Variants in NCKAP5 observed in about 807,000 individuals in gnomAD.
The protein encoded by NCKAP5 is NCK associated protein 5, also known as nck-associated protein 5.
NCKAP5 carries 92 observed loss-of-function variants against 167.0 expected under a neutral mutation model. That is an observed-to-expected ratio of 0.55 (90% CI 0.47 to 0.66). NCKAP5 has a LOEUF of 0.66. Among genes scored for constraint, NCKAP5 ranks in the 30% least tolerant of loss-of-function variants. The probability of loss-of-function intolerance (pLI) is 0.00; values close to 1 mark genes in which losing one functional copy is unlikely to be tolerated. For synonymous variants in NCKAP5, 891 were observed against 877.4 expected, an observed-to-expected ratio of 1.02 and a Z score of -0.27; for missense variants, 2,378 against 2,315.0, an observed-to-expected ratio of 1.03 and a Z score of -0.56.
At chr2:133,322,635 T>C (rs1682140210) in intron 3 of NCKAP5, among the ~76,000 whole-genome samples, 1 of 152,172 alleles carries the variant, frequency 6.6e-6, no homozygotes. Context: ...TTTCTAGTAA[T>C]TTTCACCACC....
Position 132,789,214 on chromosome 2 carries a change from G to A in NCKAP5, c.1092+809C>T, listed in dbSNP as rs142394260. 3.3e-5 allele frequency among the ~76,000 whole-genome samples: 5 copies of A among 152,328 alleles called. No homozygotes were observed. In the East Asian group the frequency reaches 9.6e-4, roughly 29 times the overall value. ...TGAAAAGAGCAGAGCGAGGGGCTCT[G>A]GGAGCCAGGGATATTCACAAAGCGA... On this transcript the variant is annotated intron_variant, in intron 13 of 19. Transcript: ENST00000409261.
intron 2 of NCKAP5, among the ~76,000 whole-genome samples, chr2:133,545,131 A>G (rs897923653): frequency 1.1e-4 from 17 of 152,254 alleles, no homozygotes; most frequent in Admixed American, 6.5e-5. Flanking sequence ...AAAGAGATGT[A>G]GAACCAAATA....
chr2:133,660,401 T>C, the NCKAP5 span, among the ~76,000 whole-genome samples: 3 of 152,214 alleles, frequency 2.0e-5, no homozygotes, highest in African/African-American at 7.2e-5. Context: ...TGTGTGTGCA[T>C]TTGCTTATCT....
the NCKAP5 span, among the ~76,000 whole-genome samples, chr2:133,644,849 G>A: frequency 6.6e-6 from 1 of 152,002 alleles, no homozygotes; most frequent in Non-Finnish European, 1.5e-5. Context: ...ATATGACTAG[G>A]ACAAGACTAA....
chr2:133,111,620 C>T (rs577497634), intron 6 of NCKAP5, among the ~76,000 whole-genome samples: 1 of 152,338 alleles, frequency 6.6e-6, no homozygotes, highest in East Asian at 1.9e-4. Context: ...TCATAGCCCT[C>T]TGCCATGATT....
chr2:132,733,477 G>A (rs182954456), intron 16 of NCKAP5, among the ~76,000 whole-genome samples: 13 of 152,280 alleles, frequency 8.5e-5, no homozygotes, highest in Non-Finnish European at 1.5e-4. Flanking sequence ...TTAGCCTCTC[G>A]AGGTCTAAGG....
Position 133,320,700 on chromosome 2 carries a change from C to T in NCKAP5, c.70-17590G>A, listed in dbSNP as rs551767933. Among the ~76,000 whole-genome samples, 435 of 152,044 alleles carry T rather than the reference C, an allele frequency of 2.9e-3. 4 individuals carry two copies. Among genetic ancestry groups the T allele is most frequent in the African/African-American group, 9.9e-3 (412 of 41,452 alleles). Reference sequence around the variant, plus strand: ...CCGAGATCACACCACTGCACTCCAGCGAGACTCTGTCTCAAATAAACAACA... The same window carrying T: ...CCGAGATCACACCACTGCACTCCAGTGAGACTCTGTCTCAAATAAACAACA... On this transcript the variant is annotated intron_variant, in intron 3 of 19. Coordinates refer to ENST00000409261, the MANE Select transcript of NCKAP5 (RefSeq NM_207363.3).
At chr2:132,961,642 G>T (rs1282995159) in intron 8 of NCKAP5, among the ~76,000 whole-genome samples, 1 of 152,094 alleles carries the variant, frequency 6.6e-6, no homozygotes, top group Admixed American at 6.6e-5. Flanking sequence ...CTCTGTGGAA[G>T]GAAAAAAGAT....
intron 16 of NCKAP5, among the ~76,000 whole-genome samples, chr2:132,746,050 T>G (rs570733379): frequency 6.6e-6 from 1 of 151,322 alleles, no homozygotes; most frequent in African/African-American, 2.4e-5. Flanking sequence ...CACTATCAGG[T>G]TTTTTTTTAA....
Position 133,018,210 on chromosome 2 carries a change from C to T in NCKAP5, c.342-23971G>A, listed in dbSNP as rs72996834. 9.4e-3 allele frequency among the ~76,000 whole-genome samples: 1,434 copies of T among 152,248 alleles called. 23 individuals are homozygous for T. Among genetic ancestry groups the T allele is most frequent in the African/African-American group, 0.031 (1,305 of 41,564 alleles). ...TGGTCAACCCACCATGCAACCTGGG[C>T]GGTGCAGGGGTTCTATGCAATGAGC... On this transcript the variant is annotated intron_variant, in intron 6 of 19. Transcript: ENST00000409261.
Position 132,785,247 on chromosome 2 carries a change from GA to G in NCKAP5, c.1563del (p.Leu522TrpfsTer16). 1 of 1,571,286 alleles carries G rather than the reference GA, an allele frequency of 6.4e-7. No homozygotes were observed. Among genetic ancestry groups the G allele is most frequent in the Non-Finnish European group, 8.6e-7 (1 of 1,159,494 alleles). On this transcript the variant is annotated frameshift_variant, in exon 14 of 20. Coordinates refer to ENST00000409261, the MANE Select transcript of NCKAP5 (RefSeq NM_207363.3). LOFTEE classifies it high-confidence loss of function. Reference protein sequence around the residue: ...LFGWETNRKHFLEGTSSVYPK... With the variant: ...LFGWETNRKHXLEGTSSVYPK... The stretch of plus-strand genomic sequence containing the variant: ...GGATAAACTGAGGATGTGCCTTCCA[GA>G]AAGTGTTTTCTGTTTGTCTCCCAGC...
At chr2:133,024,870 T>C (rs1364561722) in intron 6 of NCKAP5, among the ~76,000 whole-genome samples, 1 of 152,240 alleles carries the variant, frequency 6.6e-6, no homozygotes, top group Non-Finnish European at 1.5e-5. Flanking sequence ...CTAGCATGTG[T>C]GGCTAGAGCC....
At chr2:133,312,854 A>T (rs1367352642) in intron 3 of NCKAP5, among the ~76,000 whole-genome samples, 1 of 152,252 alleles carries the variant, frequency 6.6e-6, no homozygotes, top group East Asian at 1.9e-4. Flanking sequence ...ACGAAGCAGC[A>T]GTCATCTCTA....
intron 4 of NCKAP5, among the ~76,000 whole-genome samples, chr2:133,285,541 T>A (rs1679050999): frequency 6.6e-6 from 1 of 150,464 alleles, no homozygotes; most frequent in Non-Finnish European, 1.5e-5. Flanking sequence ...TGGGGTGGGG[T>A]GAGGGAGGGG....
chr2:132,721,593 T>C (rs1689936295), intron 19 of NCKAP5, among the ~76,000 whole-genome samples: 1 of 152,252 alleles, frequency 6.6e-6, no homozygotes, highest in Admixed American at 6.5e-5. Context: ...CCTCCTGTTA[T>C]TGTCTTTCTC....
intron 11 of NCKAP5, among the ~76,000 whole-genome samples, chr2:132,804,258 C>T (rs1685260882): frequency 6.6e-6 from 1 of 152,142 alleles, no homozygotes; most frequent in South Asian, 2.1e-4. Flanking sequence ...TCCCTTTTGT[C>T]TTCTTCTGTA....
rs1006638332 is a variant in NCKAP5, at chr2:132,869,646, C to T, written c.649-672G>A. On this transcript the variant is annotated intron_variant, in intron 9 of 19. Transcript: ENST00000409261. ...AGCCATTCTTGTAGCAAAATGTTGC[C>T]ATGTGACAAAATTCTGGCCAATAAG... 2.0e-5 allele frequency among the ~76,000 whole-genome samples: 3 copies of T among 152,120 alleles called. No homozygotes were observed. The East Asian group carries it at 5.8e-4, about 29-fold the overall frequency.
chr2:133,041,119 T>C (rs578047893), intron 6 of NCKAP5, among the ~76,000 whole-genome samples: 72 of 152,270 alleles, frequency 4.7e-4, no homozygotes, highest in Non-Finnish European at 9.1e-4. Flanking sequence ...TTTAATGGAC[T>C]ACAAATGTGT....
At chr2:133,264,452 G>A (rs1018890116) in intron 4 of NCKAP5, among the ~76,000 whole-genome samples, 5 of 152,124 alleles carry the variant, frequency 3.3e-5, no homozygotes, top group Non-Finnish European at 7.4e-5. Context: ...CTGTAATGGG[G>A]GCTTTAAAAT....
Sources: allele counts gnomAD v4.1 joint callset (sites outside exome capture counted in the v4.1 genomes callset), GRCh38; gene constraint gnomAD v4.1.1; transcripts MANE v1.5; gene names NCBI Gene and HGNC (gene_info 2026-07-23, HGNC 2026-07-21).